PLCB4: variants seen among roughly 807,000 people sequenced by gnomAD.
The protein encoded by PLCB4 is 1-phosphatidylinositol 4,5-bisphosphate phosphodiesterase beta-4.
Under a neutral mutation model 178.8 loss-of-function variants are expected in PLCB4, and 77 were observed. The observed-to-expected ratio is 0.43, with a 90% CI of 0.36 to 0.52. The LOEUF is 0.52. Ranked by LOEUF, PLCB4 falls within the 20% of genes least tolerant of loss-of-function variation. The pLI is 0.00. For missense variants in PLCB4, 1,024 were observed against 1,453.4 expected (o/e 0.70, Z 4.80); for synonymous variants, 496 against 490.8 (o/e 1.01, Z -0.14).
chr20:9,449,996 A>G (rs1246799973), intron 32 of PLCB4, among the ~76,000 whole-genome samples: 1 of 152,204 alleles, frequency 6.6e-6, no homozygotes, highest in Admixed American at 6.5e-5. Flanking sequence ...ATTCACGCCC[A>G]TAGTCACATC....
At chr20:9,314,871 A>AT (rs1568571866) in intron 4 of PLCB4, among the ~76,000 whole-genome samples, 5 of 149,894 alleles carry the variant, frequency 3.3e-5, no homozygotes, top group African/African-American at 4.9e-5. Flanking sequence ...AGGGTAGAGG[A>AT]ATTTTTTTTT....
At chr20:9,272,367 T>C (rs2094412262) in intron 3 of PLCB4, among the ~76,000 whole-genome samples, 1 of 152,072 alleles carries the variant, frequency 6.6e-6, no homozygotes, top group South Asian at 2.1e-4. Context: ...GCTTTAGTAG[T>C]CATAAAATAT....
chr20:9,230,277 A>C (rs752541571), intron 3 of PLCB4, among the ~76,000 whole-genome samples: 14 of 152,264 alleles, frequency 9.2e-5, no homozygotes, highest in Non-Finnish European at 2.1e-4. Context: ...CCAAATACAA[A>C]TACAATCATG....
At chr20:9,324,069 G>A (rs2147979545) in intron 4 of PLCB4, among the ~76,000 whole-genome samples, 1 of 152,080 alleles carries the variant, frequency 6.6e-6, no homozygotes, top group South Asian at 2.1e-4. Context: ...TACTCAGGAG[G>A]GAGGCTGAGG....
At chr20:9,459,901 A>C (rs2043286159) in intron 35 of PLCB4, 91 bp downstream of exon 35, 1 of 779,684 alleles carries the variant, frequency 1.3e-6, no homozygotes, top group African/African-American at 1.7e-5. Context: ...TAATAAGTGA[A>C]ATCAATTTGA....
intron 2 of PLCB4, among the ~76,000 whole-genome samples, chr20:9,162,750 A>G (rs1224130531): frequency 6.6e-6 from 1 of 152,096 alleles, no homozygotes; most frequent in African/African-American, 2.4e-5. Flanking sequence ...TGAATAATAA[A>G]TATATTATAC....
At chr20:9,450,184 A>C (rs183401022) in intron 32 of PLCB4, among the ~76,000 whole-genome samples, 237 of 152,344 alleles carry the variant, frequency 1.6e-3, no homozygotes, top group Middle Eastern at 3.4e-3. Flanking sequence ...GGCTTGAATG[A>C]ATGAGAAATG....
chr20:9,383,390 T>C (rs2037311320), intron 13 of PLCB4, among the ~76,000 whole-genome samples: 1 of 152,260 alleles, frequency 6.6e-6, no homozygotes. Context: ...TTCATTATGC[T>C]ATCATCTGAA....
intron 2 of PLCB4, among the ~76,000 whole-genome samples, chr20:9,151,468 T>A (rs1360275966): frequency 6.6e-6 from 1 of 152,054 alleles, no homozygotes; most frequent in East Asian, 1.9e-4. Context: ...GGGTTGGTCT[T>A]TGCTGTGTTA....
At chr20:9,183,075 G>A (rs935986266) in intron 2 of PLCB4, among the ~76,000 whole-genome samples, 1 of 152,034 alleles carries the variant, frequency 6.6e-6, no homozygotes, top group Admixed American at 6.6e-5. Context: ...TACAGGGAGA[G>A]CACCATTTGA....
chr20:9,186,966 A>G (rs1326073579), intron 2 of PLCB4, among the ~76,000 whole-genome samples: 2 of 151,294 alleles, frequency 1.3e-5, no homozygotes, highest in Admixed American at 1.3e-4. Flanking sequence ...CTGTTGTTTT[A>G]TTTTTTACTT....
intron 1 of PLCB4, among the ~76,000 whole-genome samples, chr20:9,090,369 A>AT (rs1349496275): frequency 6.6e-6 from 1 of 152,028 alleles, no homozygotes; most frequent in East Asian, 1.9e-4. Flanking sequence ...TTTAAATCAT[A>AT]TTTTTTTCAA....
intron 35 of PLCB4, among the ~76,000 whole-genome samples, chr20:9,466,205 A>G (rs528980751): frequency 1.3e-5 from 2 of 152,224 alleles, no homozygotes; most frequent in Non-Finnish European, 2.9e-5. Flanking sequence ...TATTTAATAA[A>G]TGGTGCTGGG....
intron 3 of PLCB4, among the ~76,000 whole-genome samples, chr20:9,262,356 G>A (rs888139533): frequency 1.8e-4 from 27 of 152,006 alleles, no homozygotes; most frequent in Non-Finnish European, 4.4e-5. Flanking sequence ...AGAAGAGGGC[G>A]GAATTTATAA....
At position 9,204,772 on chromosome 20, in the gene PLCB4, G is replaced by T. The variant is rs572690114; in HGVS notation, c.-78-12618G>T. On this transcript the variant is annotated intron_variant, in intron 2 of 39. Transcript: ENST00000378473. ...GATGGGACTGGGGAATGTATATTAG[G>T]CTTAAAGAACTTTTGCCGCCCCGTA... Among the ~76,000 whole-genome samples the T allele has an allele frequency of 4.6e-4, 70 of 152,104 alleles. 1 individual carries two copies. Among genetic ancestry groups the T allele is most frequent in the Admixed American group, 2.2e-3 (34 of 15,288 alleles).
chr20:9,266,622 T>C (rs979823552), intron 3 of PLCB4, among the ~76,000 whole-genome samples: 6 of 152,206 alleles, frequency 3.9e-5, no homozygotes, highest in Non-Finnish European at 8.8e-5. Flanking sequence ...ACTGTCGCTT[T>C]CTTTTTCCTT....
At chr20:9,228,860 C>T (rs954136977) in intron 3 of PLCB4, among the ~76,000 whole-genome samples, 1 of 152,146 alleles carries the variant, frequency 6.6e-6, no homozygotes, top group African/African-American at 2.4e-5. Context: ...TGGGCCCATG[C>T]AGAACCTCCT....
intron 2 of PLCB4, among the ~76,000 whole-genome samples, chr20:9,133,253 A>C: frequency 6.6e-6 from 1 of 151,982 alleles, no homozygotes. Context: ...TTCTGATCAC[A>C]CTGAGTTGCA....
intron 7 of PLCB4, among the ~76,000 whole-genome samples, chr20:9,355,549 G>T (rs543290281): frequency 5.0e-4 from 76 of 151,584 alleles, no homozygotes; most frequent in African/African-American, 1.5e-3. Context: ...TCGGTGTTTG[G>T]TTTTTTTTGT....
Sources: allele counts gnomAD v4.1 joint callset (sites outside exome capture counted in the v4.1 genomes callset), GRCh38; gene constraint gnomAD v4.1.1; transcripts MANE v1.5; gene names NCBI Gene and HGNC (gene_info 2026-07-23, HGNC 2026-07-21).